Variants in HDAC4 observed in about 807,000 individuals in gnomAD.
The protein encoded by HDAC4 is histone deacetylase A.
In HDAC4, 16 loss-of-function variants were observed where a neutral mutation model predicts 135.1. The ratio of observed to expected loss-of-function variants is 0.12; its 90% CI spans 0.08 to 0.18. The LOEUF (loss-of-function observed/expected upper bound fraction) is 0.18. Ranked by LOEUF, HDAC4 falls within the 10% of genes least tolerant of loss-of-function variation. The pLI is 1.00. For missense variants in HDAC4, 1,143 were observed against 1,511.8 expected, an observed-to-expected ratio of 0.76 and a Z score of 4.05; for synonymous variants, 685 against 653.4, an observed-to-expected ratio of 1.05 and a Z score of -0.74.
intron 3 of HDAC4, among the ~76,000 whole-genome samples, chr2:239,209,048 C>T (rs1253231769): frequency 2.0e-5 from 3 of 152,076 alleles, no homozygotes; most frequent in African/African-American, 7.2e-5. Context: ...GGCTAGTTTA[C>T]GTATTATTAT....
intron 2 of HDAC4, among the ~76,000 whole-genome samples, chr2:239,344,426 A>G (rs1302184798): frequency 2.6e-5 from 4 of 152,240 alleles, no homozygotes; most frequent in Non-Finnish European, 4.4e-5. Flanking sequence ...GAATTTTCAG[A>G]GAATTGCCAA....
intron 9 of HDAC4, among the ~76,000 whole-genome samples, chr2:239,135,777 C>T (rs1256262427): frequency 3.3e-5 from 5 of 152,290 alleles, no homozygotes; most frequent in Admixed American, 6.5e-5. Context: ...GTTAACAGAA[C>T]GGAGGGGCAT....
At chr2:239,338,347 C>T (rs1237789335) in intron 2 of HDAC4, among the ~76,000 whole-genome samples, 1 of 152,128 alleles carries the variant, frequency 6.6e-6, no homozygotes, top group Non-Finnish European at 1.5e-5. Context: ...ACTCGTTACC[C>T]TCTCCTCCCG....
At chr2:239,148,823 A>G (rs964781717) in intron 7 of HDAC4, among the ~76,000 whole-genome samples, 20 of 152,230 alleles carry the variant, frequency 1.3e-4, no homozygotes, top group African/African-American at 4.3e-4. Flanking sequence ...TGGGGCCAGA[A>G]GCACCAGGCG....
At chr2:239,093,665 GCA>G (rs887419225) in intron 17 of HDAC4, among the ~76,000 whole-genome samples, 14 of 152,328 alleles carry the variant, frequency 9.2e-5, no homozygotes, top group African/African-American at 3.4e-4. Flanking sequence ...ATCAGCATCT[GCA>G]CACCCAGACG....
intron 24 of HDAC4, among the ~76,000 whole-genome samples, chr2:239,066,373 C>G (rs977303965): frequency 6.6e-6 from 1 of 152,144 alleles, no homozygotes; most frequent in Non-Finnish European, 1.5e-5. Flanking sequence ...ACAGAGGAAA[C>G]GAAGAGAGAA....
chr2:239,091,260 A>C (rs74738248), intron 17 of HDAC4: 7 of 152,276 alleles, frequency 4.6e-5, no homozygotes, highest in Admixed American at 2.0e-4. Flanking sequence ...TGGCCAGGGG[A>C]GGGAGGTGTT....
At chr2:239,283,543 C>T (rs1040002460) in intron 2 of HDAC4, among the ~76,000 whole-genome samples, 4 of 152,232 alleles carry the variant, frequency 2.6e-5, no homozygotes, top group African/African-American at 9.6e-5. Flanking sequence ...GCGTTTCCAC[C>T]ATAAGAACAC....
intron 1 of HDAC4, among the ~76,000 whole-genome samples, chr2:239,396,685 T>C (rs1308803699): frequency 6.6e-6 from 1 of 152,262 alleles, no homozygotes; most frequent in Non-Finnish European, 1.5e-5. Context: ...TCTCGTCTCT[T>C]AGCCCGGCTG....
chr2:239,150,962 C>T (rs939708572), intron 7 of HDAC4, among the ~76,000 whole-genome samples: 1 of 152,268 alleles, frequency 6.6e-6, no homozygotes, highest in Admixed American at 6.5e-5. Flanking sequence ...CCTTTACATA[C>T]AGCAGCAGGA....
intron 15 of HDAC4, among the ~76,000 whole-genome samples, chr2:239,107,146 T>A (rs377044733): frequency 7.9e-4 from 121 of 152,310 alleles, no homozygotes; most frequent in Middle Eastern, 3.4e-3. Context: ...CTCCTCCCTG[T>A]CAAGAGCTCA....
At chr2:239,058,630 T>C (rs1392984660) in intron 24 of HDAC4, among the ~76,000 whole-genome samples, 3 of 152,226 alleles carry the variant, frequency 2.0e-5, no homozygotes, top group Admixed American at 6.5e-5. Context: ...CATTACTGGA[T>C]ATACAGGTTA....
rs556849210 is a variant in HDAC4, at chr2:239,366,985, A to G, written c.-219-14067T>C. ...GGGCCTGAATTGAGCTTCACCAACA[A>G]CATGCCTGAAAGCCTCCGTCACTGA... On this transcript the variant is annotated intron_variant, in intron 1 of 26. Transcript: ENST00000543185. Among the ~76,000 whole-genome samples, 35 of 137,230 alleles carry G rather than the reference A, an allele frequency of 2.6e-4. 1 individual carries two copies. Among genetic ancestry groups the G allele is most frequent in the African/African-American group, 1.2e-3 (33 of 27,344 alleles). The allele number at this position is 137,230 out of a possible 152,430, so 90.0% of individuals were successfully genotyped here. A position where few individuals can be genotyped will look rare whatever the true frequency, so the allele number is the denominator to read the frequency against.
chr2:239,359,398 T>A (rs1007530408), intron 1 of HDAC4, among the ~76,000 whole-genome samples: 1 of 152,206 alleles, frequency 6.6e-6, no homozygotes, highest in Non-Finnish European at 1.5e-5. Context: ...ATGTTTCACA[T>A]GATGTGGCCA....
chr2:239,363,060 T>G (rs1331554316), intron 1 of HDAC4, among the ~76,000 whole-genome samples: 1 of 152,144 alleles, frequency 6.6e-6, no homozygotes, highest in African/African-American at 2.4e-5. Context: ...ACATTTATAA[T>G]AGCATACAAT....
chr2:239,287,822 C>G (rs2051222648), intron 2 of HDAC4, among the ~76,000 whole-genome samples: 1 of 151,970 alleles, frequency 6.6e-6, no homozygotes, highest in South Asian at 2.1e-4. Flanking sequence ...GATGTAAACA[C>G]CAGAAGCAAA....
intron 11 of HDAC4, among the ~76,000 whole-genome samples, chr2:239,129,368 G>T (rs541954283): frequency 3.9e-5 from 6 of 152,342 alleles, no homozygotes; most frequent in African/African-American, 1.4e-4. Flanking sequence ...TGCTGTCAGG[G>T]ACTTTTGAGC....
At chr2:239,291,390 G>C (rs770051872) in intron 2 of HDAC4, among the ~76,000 whole-genome samples, 4 of 152,238 alleles carry the variant, frequency 2.6e-5, no homozygotes, top group Non-Finnish European at 4.4e-5. Context: ...CCTGGGCTGA[G>C]AGCCTGATCG....
intron 24 of HDAC4, 143 bp downstream of exon 24, chr2:239,066,579 G>T: frequency 9.5e-7 from 1 of 1,049,190 alleles, no homozygotes; most frequent in Non-Finnish European, 1.5e-6. Flanking sequence ...GGGGGTGGGG[G>T]GCAGGTGCAA....
Sources: gnomAD v4.1 joint callset for allele counts (sites outside exome capture counted in the v4.1 genomes callset) on GRCh38, gnomAD v4.1.1 for gene constraint, MANE v1.5 for transcripts, NCBI Gene and HGNC (gene_info 2026-07-23, HGNC 2026-07-21) for gene names.